The following CCSER1 variants were observed in gnomAD, a reference collection of about 807,000 sequenced individuals.
CCSER1 encodes the protein serine-rich coiled-coil domain-containing protein 1.
Under a neutral mutation model 82.0 loss-of-function variants are expected in CCSER1, and 41 were observed. The ratio of observed to expected loss-of-function variants is 0.50; its 90% CI spans 0.39 to 0.65. CCSER1 has a LOEUF of 0.65. CCSER1 is among the 30% of genes least tolerant of loss of function. The pLI is 0.00. For synonymous variants in CCSER1, 414 were observed against 383.9 expected (o/e 1.08, Z -0.92); for missense variants, 1,119 against 1,064.2 (o/e 1.05, Z -0.72).
chr4:91,200,294 A>AT (rs536892462), intron 10 of CCSER1, among the ~76,000 whole-genome samples: 2 of 152,008 alleles, frequency 1.3e-5, no homozygotes, highest in Admixed American at 6.6e-5. Flanking sequence ...GTTACCACAA[A>AT]TTTTTTTTGG....
chr4:90,577,742 A>G (rs1252385736), intron 5 of CCSER1, among the ~76,000 whole-genome samples: 2 of 152,106 alleles, frequency 1.3e-5, no homozygotes, highest in Non-Finnish European at 2.9e-5. Context: ...CTGAACCCCC[A>G]AATGCTAATA....
At chr4:90,483,982 C>T (rs1296444461) in intron 5 of CCSER1, among the ~76,000 whole-genome samples, 2 of 152,174 alleles carry the variant, frequency 1.3e-5, no homozygotes, top group African/African-American at 4.8e-5. Flanking sequence ...CAACTTGGTT[C>T]CATTCTCCCC....
At chr4:91,248,402 C>A (rs146512822) in intron 10 of CCSER1, among the ~76,000 whole-genome samples, 1 of 152,136 alleles carries the variant, frequency 6.6e-6, no homozygotes, top group African/African-American at 2.4e-5. Flanking sequence ...AAAACACTAC[C>A]TCAGTCAGGT....
At chr4:91,546,336 T>C (rs1425144950) in intron 10 of CCSER1, among the ~76,000 whole-genome samples, 1 of 152,114 alleles carries the variant, frequency 6.6e-6, no homozygotes, top group African/African-American at 2.4e-5. Context: ...TTATAGATAA[T>C]TGGTATAATT....
At chr4:90,635,131 CA>C (rs1374541649) in intron 6 of CCSER1, among the ~76,000 whole-genome samples, 1 of 151,758 alleles carries the variant, frequency 6.6e-6, no homozygotes, top group East Asian at 1.9e-4. Flanking sequence ...GAATTTAAAA[CA>C]TTTCTTTCTG....
chr4:90,791,448 T>C (rs1755219925), intron 7 of CCSER1, among the ~76,000 whole-genome samples: 1 of 152,298 alleles, frequency 6.6e-6, no homozygotes, highest in Non-Finnish European at 1.5e-5. Context: ...ATCACCCTGA[T>C]CAGTCAACAG....
intron 10 of CCSER1, among the ~76,000 whole-genome samples, chr4:91,414,183 C>T (rs1560652582): frequency 6.6e-6 from 1 of 152,058 alleles, no homozygotes; most frequent in African/African-American, 2.4e-5. Flanking sequence ...TTACTTTTAA[C>T]TTTAACAGAA....
chr4:90,324,029 A>G (rs565308698), intron 3 of CCSER1, among the ~76,000 whole-genome samples: 1 of 152,282 alleles, frequency 6.6e-6, no homozygotes, highest in African/African-American at 2.4e-5. Context: ...ATAGTATTCC[A>G]TGGTGTATAG....
At chr4:91,377,347 C>A (rs969334997) in intron 10 of CCSER1, among the ~76,000 whole-genome samples, 2 of 152,136 alleles carry the variant, frequency 1.3e-5, no homozygotes, top group African/African-American at 2.4e-5. Context: ...AATGGTTGAA[C>A]TAGTTTACAG....
At chr4:90,143,006 A>G (rs1053986682) in intron 1 of CCSER1, among the ~76,000 whole-genome samples, 3 of 152,190 alleles carry the variant, frequency 2.0e-5, no homozygotes, top group Non-Finnish European at 4.4e-5. Context: ...TTTATTTAAT[A>G]TCCACTATTT....
At chr4:90,195,700 C>T (rs1736459963) in intron 1 of CCSER1, among the ~76,000 whole-genome samples, 2 of 151,966 alleles carry the variant, frequency 1.3e-5, no homozygotes, top group Non-Finnish European at 2.9e-5. Flanking sequence ...TTTAGTGAAC[C>T]TAAAACTGCT....
At chr4:90,195,299 G>A (rs979965315) in intron 1 of CCSER1, among the ~76,000 whole-genome samples, 16 of 152,000 alleles carry the variant, frequency 1.1e-4, no homozygotes, top group Non-Finnish European at 2.4e-4. Context: ...ATGTAAAGAC[G>A]TGGTGGGTGG....
rs958113451 is a variant in CCSER1, at chr4:91,605,034, T to C, written c.*5977T>C. The C allele has an allele frequency of 6.6e-6, 1 of 151,956 alleles. No homozygotes were observed. Among genetic ancestry groups the C allele is most frequent in the African/African-American group, 2.4e-5 (1 of 41,424 alleles). The allele number at this position is 151,956 out of a possible 1,614,324, so 9.4% of individuals were successfully genotyped here. ...TTATTAACATTGATAATAGTTTTTT[T>C]AATTCATCATCTCTAAAACTCTAAA... On this transcript the variant is annotated 3_prime_UTR_variant, in exon 11 of 11. Coordinates refer to ENST00000509176, the MANE Select transcript of CCSER1 (RefSeq NM_001145065.2).
chr4:91,292,559 GAAAT>G lies in CCSER1; in HGVS notation c.2217+206571_2217+206574del, dbSNP rs577322181. ...TATATCAAATAATTAGATATAATTG[GAAAT>G]AAATATAGATAATTTTTGTTTTGTT... On this transcript the variant is annotated intron_variant, in intron 10 of 10. Transcript: ENST00000509176. 1.5e-3 allele frequency among the ~76,000 whole-genome samples: 230 copies of G among 151,912 alleles called. 3 individuals are homozygous for G. Among genetic ancestry groups the G allele is most frequent in the Non-Finnish European group, 1.3e-3 (89 of 67,936 alleles).
chr4:90,585,425 T>C (rs931943586), intron 5 of CCSER1, among the ~76,000 whole-genome samples: 8 of 152,228 alleles, frequency 5.3e-5, no homozygotes, highest in East Asian at 3.9e-4. Flanking sequence ...GTGTAAAAAA[T>C]AATAATGAAA....
intron 5 of CCSER1, among the ~76,000 whole-genome samples, chr4:90,528,874 G>C (rs1482658908): frequency 6.6e-6 from 1 of 152,070 alleles, no homozygotes; most frequent in Non-Finnish European, 1.5e-5. Flanking sequence ...AGTTTCCATT[G>C]TTGATTGAAT....
Position 91,598,574 on chromosome 4 carries a change from T to C in CCSER1, c.2220T>C (p.Ala740=). 1.9e-6 allele frequency: 3 copies of C among 1,547,960 alleles called. No individual in the cohort carries two copies. The highest frequency in any genetic ancestry group is 2.6e-6 in the Non-Finnish European group (3 of 1,144,432). Residue 740 remains alanine (A), a splice_region_variant and synonymous_variant, in exon 11 of 11, where the codon GCT becomes GCC. Transcript: ENST00000509176. ...RLETVQGGRE[A]TYRNRIVSQN... is the part of the protein sequence containing the mutation. ...TTTCTTTCTGTGTCTTACCATAGGC[T>C]ACATATCGAAATCGAATTGTGAGCC...
chr4:91,438,773 G>A (rs1754878378), intron 10 of CCSER1, among the ~76,000 whole-genome samples: 1 of 152,168 alleles, frequency 6.6e-6, no homozygotes, highest in African/African-American at 2.4e-5. Context: ...AACCAATACA[G>A]AGAAGTGCTT....
intron 8 of CCSER1, among the ~76,000 whole-genome samples, chr4:90,913,074 A>G (rs952058685): frequency 2.0e-5 from 3 of 152,242 alleles, no homozygotes; most frequent in African/African-American, 7.2e-5. Context: ...GCAGGATATT[A>G]TCCAGGAGAA....
Sources: gnomAD v4.1 joint callset for allele counts (sites outside exome capture counted in the v4.1 genomes callset) on GRCh38, gnomAD v4.1.1 for gene constraint, MANE v1.5 for transcripts, NCBI Gene and HGNC (gene_info 2026-07-23, HGNC 2026-07-21) for gene names.